The following SBF2 variants were observed in gnomAD, a reference collection of about 807,000 sequenced individuals.
SBF2 encodes myotubularin-related protein 13.
In SBF2, 112 loss-of-function variants were observed where a neutral mutation model predicts 225.2. The observed-to-expected ratio is 0.50, with a 90% CI of 0.43 to 0.58. The LOEUF (loss-of-function observed/expected upper bound fraction) is 0.58. Ranked by LOEUF, SBF2 falls within the 20% of genes least tolerant of loss-of-function variation. SBF2 has a pLI of 0.00. For missense variants in SBF2, 1,996 were observed against 2,206.2 expected (o/e 0.90, Z 1.91); for synonymous variants, 763 against 773.3 (o/e 0.99, Z 0.22).
At chr11:9,850,316 T>G (rs756495139) in intron 21 of SBF2, 98 bp from the exon 22 acceptor site, 25 of 1,106,442 alleles carry the variant, frequency 2.3e-5, no homozygotes, top group Non-Finnish European at 3.0e-5. Context: ...AATACAGTAG[T>G]GCAATCATAG....
intron 16 of SBF2, among the ~76,000 whole-genome samples, chr11:9,921,721 T>A (rs1863647049): frequency 6.6e-6 from 1 of 152,230 alleles, no homozygotes; most frequent in Non-Finnish European, 1.5e-5. Context: ...CATACTTATG[T>A]CTTTATTTCT....
chr11:9,946,208 T>C (rs969958252), intron 16 of SBF2, among the ~76,000 whole-genome samples: 1 of 152,158 alleles, frequency 6.6e-6, no homozygotes, highest in Non-Finnish European at 1.5e-5. Flanking sequence ...GTTGACTGGA[T>C]AAAGAAAATG....
chr11:9,789,057 C>G, intron 35 of SBF2, 52 bp downstream of exon 35: 1 of 1,505,160 alleles, frequency 6.6e-7, no homozygotes, highest in Non-Finnish European at 9.2e-7. Flanking sequence ...CCTTTGCCCT[C>G]ATGCCTCCAG....
chr11:10,206,645 A>G (rs561582741), intron 1 of SBF2, among the ~76,000 whole-genome samples: 1 of 152,116 alleles, frequency 6.6e-6, no homozygotes, highest in Non-Finnish European at 1.5e-5. Context: ...CAGCACAGAA[A>G]TACGTTATAA....
chr11:9,809,404 A>T (rs2133899110), intron 30 of SBF2: 1 of 171,586 alleles, frequency 5.8e-6, no homozygotes, highest in South Asian at 1.3e-4. Flanking sequence ...TGATTCCCCC[A>T]AAAGTAGGTG....
chr11:9,781,385 G>T, intron 39 of SBF2, 122 bp downstream of exon 39: 3 of 1,298,148 alleles, frequency 2.3e-6, no homozygotes, highest in Non-Finnish European at 2.2e-6. Flanking sequence ...AATTCCCATA[G>T]CCAAGGGGGT....
rs1340795229 is a variant in SBF2 at position 9,851,146 on chromosome 11, A to AAC, written c.2611-929_2611-928insGT. 4.7e-5 allele frequency among the ~76,000 whole-genome samples: 7 copies of AAC among 149,788 alleles called. 2 individuals carry two copies. The highest frequency in any genetic ancestry group is 4.9e-5 in the African/African-American group (2 of 40,974). Reference sequence around the variant, plus strand: ...GCAAGACTCCATCTCAAAAAAAAAAAAAACAACAACAAAAAAAAACCCAGA... The same window carrying AAC: ...GCAAGACTCCATCTCAAAAAAAAAAAACAAACAACAACAAAAAAAAACCCAGA... On this transcript the variant is annotated intron_variant, in intron 21 of 39. Coordinates refer to ENST00000256190, the MANE Select transcript of SBF2 (RefSeq NM_030962.4).
intron 33 of SBF2, among the ~76,000 whole-genome samples, chr11:9,795,356 T>C: frequency 6.6e-6 from 1 of 152,198 alleles, no homozygotes; most frequent in East Asian, 1.9e-4. Context: ...GGTATTACTG[T>C]CCTTGTTTTA....
chr11:9,947,897 G>A (rs1431684812), intron 16 of SBF2, among the ~76,000 whole-genome samples: 3 of 152,120 alleles, frequency 2.0e-5, no homozygotes, highest in Non-Finnish European at 1.5e-5. Flanking sequence ...AAATTAAAAG[G>A]ATAATTACCA....
intron 2 of SBF2, among the ~76,000 whole-genome samples, chr11:10,081,814 C>T (rs1295010154): frequency 6.7e-6 from 1 of 150,042 alleles, no homozygotes; most frequent in Non-Finnish European, 1.5e-5. Flanking sequence ...GACATTGTAT[C>T]TCAAGGAACT....
Position 9,839,674 on chromosome 11 carries a change from G to A in SBF2, c.3279C>T (p.Pro1093=), listed in dbSNP as rs546731609. 6 of 1,613,392 alleles carry A rather than the reference G, an allele frequency of 3.7e-6. No homozygotes were observed. The Admixed American group carries it at 1.0e-4, about 27-fold the overall frequency. ...CGGAGGCCTTCAGGGTGGTACTTGT[G>A]GGGAGCTCACTCTCATCTGAAACTG... ...DVSVSDESEL[P]TSTTLKASEK... The change falls in exon 26 of 40, where the codon CCC becomes CCT. Residue 1093 remains proline (P), a synonymous_variant. Transcript: ENST00000256190.
At chr11:9,887,794 C>T (rs1860457317) in intron 17 of SBF2, among the ~76,000 whole-genome samples, 1 of 151,642 alleles carries the variant, frequency 6.6e-6, no homozygotes, top group Non-Finnish European at 1.5e-5. Context: ...CCTTCATCAC[C>T]CACTCCCTCC....
intron 28 of SBF2, chr11:9,828,070 TG>T (rs1855170037): frequency 9.6e-7 from 1 of 1,037,302 alleles, no homozygotes; most frequent in African/African-American, 1.7e-5. Context: ...TCTAGAAAAA[TG>T]CTTTCTGCTT....
chr11:9,870,365 A>C (rs976964374), intron 17 of SBF2, among the ~76,000 whole-genome samples: 1 of 152,178 alleles, frequency 6.6e-6, no homozygotes, highest in African/African-American at 2.4e-5. Flanking sequence ...ATTAAAATTC[A>C]CATGGAACCA....
Position 9,965,987 on chromosome 11 carries a change from T to TAAA in SBF2, c.1601-2106_1601-2105insTTT, listed in dbSNP as rs538094872. On this transcript the variant is annotated intron_variant, in intron 14 of 39. Coordinates refer to ENST00000256190, the MANE Select transcript of SBF2 (RefSeq NM_030962.4). ...ATAACACACTTTATTGAGAGAGCAA[T>TAAA]GTGTTTATGTTTATAAACTTTTAAA... Among the ~76,000 whole-genome samples the TAAA allele has an allele frequency of 4.8e-4, 73 of 152,374 alleles. No homozygotes were observed. The Middle Eastern group carries it at 0.01, about 21-fold the overall frequency.
At chr11:10,196,541 G>A (rs1348958471) in intron 1 of SBF2, among the ~76,000 whole-genome samples, 1 of 151,720 alleles carries the variant, frequency 6.6e-6, no homozygotes, top group Non-Finnish European at 1.5e-5. Context: ...ACCACAACCA[G>A]CTAATTTTCA....
At chr11:10,121,365 C>G (rs1215338079) in intron 2 of SBF2, among the ~76,000 whole-genome samples, 1 of 152,188 alleles carries the variant, frequency 6.6e-6, no homozygotes, top group Non-Finnish European at 1.5e-5. Flanking sequence ...TATATTCTTT[C>G]AATCCAATTC....
At chr11:10,152,630 C>T (rs1468715196) in intron 2 of SBF2, among the ~76,000 whole-genome samples, 1 of 151,842 alleles carries the variant, frequency 6.6e-6, no homozygotes. Flanking sequence ...ACAGTGAATG[C>T]CTACTGTATT....
At chr11:10,022,607 C>A (rs943441560) in intron 6 of SBF2, among the ~76,000 whole-genome samples, 1 of 152,026 alleles carries the variant, frequency 6.6e-6, no homozygotes, top group Non-Finnish European at 1.5e-5. Flanking sequence ...CCCACCCCCC[C>A]ATCATAATCT....
Sources: gnomAD v4.1 joint callset for allele counts (sites outside exome capture counted in the v4.1 genomes callset) on GRCh38, gnomAD v4.1.1 for gene constraint, MANE v1.5 for transcripts, NCBI Gene and HGNC (gene_info 2026-07-23, HGNC 2026-07-21) for gene names.